PTPRD: variants seen among roughly 807,000 people sequenced by gnomAD.
PTPRD encodes the protein receptor-type tyrosine-protein phosphatase delta.
Under a neutral mutation model 214.5 loss-of-function variants are expected in PTPRD, and 34 were observed. The ratio of observed to expected loss-of-function variants is 0.16; its 90% CI spans 0.12 to 0.21. PTPRD has a LOEUF of 0.21. Ranked by LOEUF, PTPRD falls within the 10% of genes least tolerant of loss-of-function variation. PTPRD has a pLI of 1.00. For synonymous variants in PTPRD, 1,128 were observed against 845.7 expected, an observed-to-expected ratio of 1.33 and a Z score of -5.79; for missense variants, 2,545 against 2,398.7, an observed-to-expected ratio of 1.06 and a Z score of -1.27.
At chr9:8,419,145 C>G (rs2094169583) in intron 35 of PTPRD, among the ~76,000 whole-genome samples, 1 of 150,582 alleles carries the variant, frequency 6.6e-6, no homozygotes, top group Non-Finnish European at 1.5e-5. Context: ...AGTTTGAGCC[C>G]AGGAGTTCAA....
chr9:9,309,352 A>G (rs1392516949), intron 9 of PTPRD, among the ~76,000 whole-genome samples: 1 of 151,898 alleles, frequency 6.6e-6, no homozygotes, highest in East Asian at 1.9e-4. Flanking sequence ...CAAAAAAAAC[A>G]AAGAATGTAA....
At chr9:8,426,813 T>A (rs554501943) in intron 35 of PTPRD, among the ~76,000 whole-genome samples, 89 of 148,778 alleles carry the variant, frequency 6.0e-4, no homozygotes, top group African/African-American at 2.2e-3. Context: ...TTTTTTTTTT[T>A]AATGTGGGTG....
intron 10 of PTPRD, among the ~76,000 whole-genome samples, chr9:9,138,834 GC>G (rs1407611859): frequency 6.6e-6 from 1 of 151,738 alleles, no homozygotes; most frequent in Non-Finnish European, 1.5e-5. Context: ...AACAAATTAG[GC>G]CCTTTTATGT....
intron 3 of PTPRD, among the ~76,000 whole-genome samples, chr9:10,211,428 A>T (rs1274994256): frequency 1.3e-5 from 2 of 152,132 alleles, no homozygotes; most frequent in Non-Finnish European, 2.9e-5. Flanking sequence ...CCTTGCACTA[A>T]TCTGGGAGCT....
intron 9 of PTPRD, among the ~76,000 whole-genome samples, chr9:9,324,068 T>C (rs1470719041): frequency 6.6e-6 from 1 of 152,206 alleles, no homozygotes; most frequent in Non-Finnish European, 1.5e-5. Flanking sequence ...ATGTGCCACA[T>C]TTTCTTAATC....
intron 3 of PTPRD, among the ~76,000 whole-genome samples, chr9:10,181,562 T>C (rs2099287341): frequency 6.6e-6 from 1 of 151,828 alleles, no homozygotes; most frequent in African/African-American, 2.4e-5. Context: ...AGATCATCAG[T>C]TGGTAAAACA....
intron 11 of PTPRD, among the ~76,000 whole-genome samples, chr9:9,000,090 CTGTAATAA>C (rs2099412050): frequency 6.6e-6 from 1 of 151,948 alleles, no homozygotes; most frequent in Non-Finnish European, 1.5e-5. Context: ...GCTTCAGCAT[CTGTAATAA>C]TGGTTTTGCA....
At chr9:9,799,699 G>A (rs773789686) in intron 5 of PTPRD, 1 of 152,246 alleles carries the variant, frequency 6.6e-6, no homozygotes. Flanking sequence ...TTAGAGGAAG[G>A]TTAGGCTTCA....
intron 10 of PTPRD, among the ~76,000 whole-genome samples, chr9:9,103,733 C>G (rs2099794566): frequency 6.6e-6 from 1 of 152,092 alleles, no homozygotes; most frequent in African/African-American, 2.4e-5. Context: ...GTAATACCAG[C>G]CCTTTTGGAG....
intron 5 of PTPRD, among the ~76,000 whole-genome samples, chr9:9,767,773 G>T (rs1268822507): frequency 1.3e-5 from 2 of 152,054 alleles, no homozygotes; most frequent in Admixed American, 1.3e-4. Flanking sequence ...AAAAATAGAA[G>T]TATAAGCAAT....
chr9:9,897,273 T>C (rs1327005547), intron 5 of PTPRD, among the ~76,000 whole-genome samples: 1 of 152,062 alleles, frequency 6.6e-6, no homozygotes, highest in Non-Finnish European at 1.5e-5. Context: ...CAGTCCACAG[T>C]TGACTCTGAC....
chr9:9,607,904 G>T (rs1480591929), intron 7 of PTPRD, among the ~76,000 whole-genome samples: 1 of 152,064 alleles, frequency 6.6e-6, no homozygotes, highest in Non-Finnish European at 1.5e-5. Context: ...CACTTGAGCT[G>T]TCCTCAGTCA....
At chr9:9,949,413 T>C (rs935163648) in intron 4 of PTPRD, among the ~76,000 whole-genome samples, 2 of 152,174 alleles carry the variant, frequency 1.3e-5, no homozygotes, top group African/African-American at 4.8e-5. Context: ...TTTTTAAATT[T>C]AGTTGATTTT....
chr9:9,616,786 GGCT>G lies in PTPRD; in HGVS notation c.-286-42008_-286-42006del, dbSNP rs1466185251. On this transcript the variant is annotated intron_variant, in intron 7 of 45. Coordinates refer to ENST00000381196, the MANE Select transcript of PTPRD (RefSeq NM_002839.4). ...AAAGTAGCCAACCAACAGCTCTCAG[GGCT>G]GCTCTGCCTATGGAGTAGCCACTAT... Among the ~76,000 whole-genome samples the G allele has an allele frequency of 1.9e-3, 288 of 152,120 alleles. 2 individuals carry two copies. Among genetic ancestry groups the G allele is most frequent in the African/African-American group, 6.5e-3 (271 of 41,494 alleles).
intron 6 of PTPRD, among the ~76,000 whole-genome samples, chr9:9,740,057 C>T (rs945196309): frequency 1.3e-5 from 2 of 152,130 alleles, no homozygotes; most frequent in African/African-American, 4.8e-5. Context: ...TGTATTGAAA[C>T]TTGCCTTATG....
At chr9:10,143,726 T>TA (rs951186228) in intron 3 of PTPRD, among the ~76,000 whole-genome samples, 39 of 151,972 alleles carry the variant, frequency 2.6e-4, no homozygotes, top group Non-Finnish European at 4.1e-4. Flanking sequence ...TATGCAGCCA[T>TA]AAAAAAATGA....
chr9:8,496,187 CACACACACACACACACACACACAA>C (rs1187676715), intron 26 of PTPRD, among the ~76,000 whole-genome samples: 3 of 145,528 alleles, frequency 2.1e-5, no homozygotes, highest in South Asian at 2.2e-4. Flanking sequence ...CACACACACA[CACACACACACACACACACACACAA>C]ACACACACAC....
intron 11 of PTPRD, among the ~76,000 whole-genome samples, chr9:8,875,569 A>G (rs1321681348): frequency 1.3e-5 from 2 of 152,204 alleles, no homozygotes; most frequent in African/African-American, 4.8e-5. Flanking sequence ...GCATAAGGTA[A>G]ACATCTCAAT....
intron 2 of PTPRD, among the ~76,000 whole-genome samples, chr9:10,572,628 C>T (rs981625652): frequency 6.6e-6 from 1 of 152,058 alleles, no homozygotes; most frequent in Non-Finnish European, 1.5e-5. Context: ...AAGCAGTTGT[C>T]CATGCCTGTG....
Sources: allele counts gnomAD v4.1 joint callset (sites outside exome capture counted in the v4.1 genomes callset), GRCh38; gene constraint gnomAD v4.1.1; transcripts MANE v1.5; gene names NCBI Gene and HGNC (gene_info 2026-07-23, HGNC 2026-07-21).